The following PXDN variants were observed in gnomAD, a reference collection of about 807,000 sequenced individuals.
PXDN encodes peroxidasin, also known as peroxidasin homolog.
In PXDN, 77 loss-of-function variants were observed where a neutral mutation model predicts 140.3. The ratio of observed to expected loss-of-function variants is 0.55; its 90% confidence interval spans 0.46 to 0.66. PXDN has a LOEUF of 0.66. PXDN is among the 30% of genes least tolerant of loss of function. The pLI is 0.00. For synonymous variants in PXDN, 911 were observed against 857.4 expected, an observed-to-expected ratio of 1.06 and a Z score of -1.09; for missense variants, 1,838 against 2,039.5, an observed-to-expected ratio of 0.90 and a Z score of 1.90.
At chr2:1,664,027 T>C in intron 11 of PXDN, 2 of 449,852 alleles carry the variant, frequency 4.4e-6, no homozygotes, top group Middle Eastern at 6.2e-4. Context: ...CAGGAGGACA[T>C]GGGGACTCGG....
intron 1 of PXDN, among the ~76,000 whole-genome samples, chr2:1,716,368 G>A (rs1032522328): frequency 2.0e-5 from 3 of 148,818 alleles, no homozygotes; most frequent in African/African-American, 7.4e-5. Context: ...AACCCGGGAG[G>A]TGGAGGTTGC....
chr2:1,668,068 GAACC>G (rs1328442113), intron 9 of PXDN, among the ~76,000 whole-genome samples: 1 of 152,116 alleles, frequency 6.6e-6, no homozygotes, highest in African/African-American at 2.4e-5. Context: ...AAGGCTACAG[GAACC>G]AAAACAACAC....
Position 1,688,830 on chromosome 2 carries a change from A to C in PXDN, c.345-1127T>G, listed in dbSNP as rs145251706. 3.0e-3 allele frequency among the ~76,000 whole-genome samples: 444 copies of C among 147,584 alleles called. 2 individuals carry two copies. Among genetic ancestry groups the C allele is most frequent in the African/African-American group, 0.01 (420 of 41,200 alleles). ...TAAATAACCAACATTTTTTGTCTTA[A>C]TGCTTATAATATTATATAATTCATA... On this transcript the variant is annotated intron_variant, in intron 3 of 22. Transcript: ENST00000252804.
chr2:1,732,917 G>A (rs375621784), intron 1 of PXDN, among the ~76,000 whole-genome samples: 3 of 152,152 alleles, frequency 2.0e-5, no homozygotes, highest in Admixed American at 6.5e-5. Context: ...TTTAATACCC[G>A]CATTTTCTAG....
rs1683266103 is a variant in PXDN, at chr2:1,660,030, G to GA, written c.1837+850dup. 1.3e-5 allele frequency among the ~76,000 whole-genome samples: 2 copies of GA among 152,204 alleles called. No individual in the cohort carries two copies. The highest frequency in any genetic ancestry group is 2.9e-5 in the Non-Finnish European group (2 of 68,044). The stretch of plus-strand genomic sequence containing the variant: ...ATGGCCAGAGGGTCCTTTACCCCGT[G>GA]AAGGGGGGTTTGTGCGCGTTCTCAG... On this transcript the variant is annotated intron_variant, in intron 14 of 22. Coordinates refer to ENST00000252804, the MANE Select transcript of PXDN (RefSeq NM_012293.3). This position sits in a 1 kb window ranked among gnomAD's most constrained non-coding sequence, Gnocchi z 4.6.
chr2:1,702,472 G>A (rs1205401797), intron 1 of PXDN, among the ~76,000 whole-genome samples: 2 of 152,238 alleles, frequency 1.3e-5, no homozygotes, highest in African/African-American at 4.8e-5. Flanking sequence ...TGCCACCCCA[G>A]TGACATGTGT....
intron 1 of PXDN, among the ~76,000 whole-genome samples, chr2:1,742,392 T>G (rs1377873932): frequency 2.6e-5 from 4 of 152,186 alleles, no homozygotes; most frequent in African/African-American, 9.6e-5. Context: ...GATGCAAATG[T>G]ACCCTATGAG....
chr2:1,744,524 G>C, upstream of PXDN: 1 of 1,274,276 alleles, frequency 7.8e-7, no homozygotes, highest in Non-Finnish European at 9.9e-7. Flanking sequence ...GCGCCCGCCC[G>C]GCCGCGGCCC....
At chr2:1,726,573 G>A (rs1040998458) in intron 1 of PXDN, among the ~76,000 whole-genome samples, 1 of 151,980 alleles carries the variant, frequency 6.6e-6, no homozygotes, top group African/African-American at 2.4e-5. Context: ...AAAACTTAAA[G>A]TATAATAATA....
At chr2:1,642,476 A>T (rs957484327) in intron 19 of PXDN, among the ~76,000 whole-genome samples, 4 of 152,180 alleles carry the variant, frequency 2.6e-5, no homozygotes, top group African/African-American at 9.7e-5. Context: ...AGCTCCACAG[A>T]TTGCCGGGTG....
upstream of PXDN, chr2:1,744,718 G>A (rs566898830): frequency 6.7e-6 from 2 of 296,988 alleles, no homozygotes; most frequent in East Asian, 5.9e-5. Flanking sequence ...GGGGCGCGGA[G>A]GAGAGCATTG....
At chr2:1,662,266 A>T in intron 12 of PXDN, 82 bp from the exon 13 acceptor site, 1 of 1,188,858 alleles carries the variant, frequency 8.4e-7, no homozygotes, top group Non-Finnish European at 1.2e-6. Context: ...CCTGCCCTCC[A>T]TCAGGCCCAC....
chr2:1,636,776 A>G (rs1265582337), intron 21 of PXDN: 1 of 151,654 alleles, frequency 6.6e-6, no homozygotes, highest in Non-Finnish European at 1.5e-5. Context: ...GACGGTCTGC[A>G]GAGGTTCCAG....
chr2:1,657,289 C>T (rs1683166898), intron 14 of PXDN, among the ~76,000 whole-genome samples: 2 of 151,200 alleles, frequency 1.3e-5, no homozygotes, highest in African/African-American at 4.9e-5. Flanking sequence ...TGAAACCAGC[C>T]CCCTCCTGAC....
rs1368275707 is a variant in PXDN, at chr2:1,743,666, GGGA to G, written c.200+587_200+589del. Among the ~76,000 whole-genome samples the G allele has an allele frequency of 2.3e-3, 299 of 130,874 alleles. 2 individuals carry two copies. Among genetic ancestry groups the G allele is most frequent in the Admixed American group, 5.0e-3 (69 of 13,674 alleles). The allele number at this position is 130,874 out of a possible 152,430, so 85.9% of individuals were successfully genotyped here. On this transcript the variant is annotated intron_variant, in intron 1 of 22. Transcript: ENST00000252804. ...AGGAAGGGGGGGAGGAGGAGGGGAA[GGGA>G]GGAGGAGGAGGAAGGGGAGGAGGAG...
At position 1,720,718 on chromosome 2, in the gene PXDN, T is replaced by TCA. The variant is rs779396106; in HGVS notation, c.200+23537_200+23538insTG. 5.3e-3 allele frequency among the ~76,000 whole-genome samples: 739 copies of TCA among 140,296 alleles called. 9 individuals are homozygous for TCA. The highest frequency in any genetic ancestry group is 0.022 in the African/African-American group (707 of 32,420). The allele number at this position is 140,296 out of a possible 152,430, so 92.0% of individuals were successfully genotyped here. ...CTCTCTGCATCTCTTTCTCTCTCTC[T>TCA]CTCTCTCACACACACACACACACAC... On this transcript the variant is annotated intron_variant, in intron 1 of 22. Coordinates refer to ENST00000252804, the MANE Select transcript of PXDN (RefSeq NM_012293.3).
At chr2:1,658,457 C>T (rs1005295558) in intron 14 of PXDN, among the ~76,000 whole-genome samples, 1 of 152,002 alleles carries the variant, frequency 6.6e-6, no homozygotes, top group Non-Finnish European at 1.5e-5. Context: ...CTGCCAGGCC[C>T]CCTCAGATCT....
intron 7 of PXDN, among the ~76,000 whole-genome samples, chr2:1,678,872 G>A (rs764297464): frequency 6.6e-6 from 1 of 152,190 alleles, no homozygotes; most frequent in African/African-American, 2.4e-5. Flanking sequence ...ACAGGGGTCT[G>A]GGCCTCTCTT....
chr2:1,706,560 CTAA>C lies in PXDN; in HGVS notation c.201-13429_201-13427del, dbSNP rs201377694. 2.0e-3 allele frequency among the ~76,000 whole-genome samples: 296 copies of C among 146,866 alleles called. 9 individuals carry two copies. The highest frequency in any genetic ancestry group is 0.014 in the Admixed American group (213 of 14,768). The stretch of plus-strand genomic sequence containing the variant: ...TCAGCTCTAAACATCACCTGCCCCA[CTAA>C]TAATACAATCTGAGAGCACGCTTCA... On this transcript the variant is annotated intron_variant, in intron 1 of 22. Transcript: ENST00000252804.
Sources: gnomAD v4.1 joint callset for allele counts (sites outside exome capture counted in the v4.1 genomes callset) on GRCh38, gnomAD v4.1.1 for gene constraint, Gnocchi (gnomAD v3.1) non-coding constraint, MANE v1.5 for transcripts, NCBI Gene and HGNC (gene_info 2026-07-23, HGNC 2026-07-21) for gene names.